CHD1L: variants seen among roughly 807,000 people sequenced by gnomAD.
CHD1L encodes the protein chromodomain helicase DNA binding protein 1 like, also known as ATP-dependent chromatin remodeler CHD1L.
Under a neutral mutation model 115.9 loss-of-function variants are expected in CHD1L, and 118 were observed. The observed-to-expected ratio is 1.02, with a 90% CI of 0.88 to 1.19. CHD1L has a LOEUF of 1.19. Ranked by LOEUF, CHD1L falls within the 50% of genes most tolerant of loss-of-function variation. The pLI is 0.00. For missense variants in CHD1L, 1,179 were observed against 1,065.3 expected (o/e 1.11, Z -1.49); for synonymous variants, 411 against 387.1 (o/e 1.06, Z -0.72).
the CHD1L span, among the ~76,000 whole-genome samples, chr1:147,177,717 C>A: frequency 4.6e-3 from 702 of 152,268 alleles, 1 homozygote; most frequent in Non-Finnish European, 8.2e-3. Flanking sequence ...ATAACCAGTA[C>A]TCTTCAGAAC....
At chr1:147,268,257 G>T (rs587741444) in intron 9 of CHD1L, among the ~76,000 whole-genome samples, 2 of 152,006 alleles carry the variant, frequency 1.3e-5, no homozygotes, top group South Asian at 4.2e-4. Context: ...GGGCTTTTTT[G>T]ATTCCCTGAT....
intron 19 of CHD1L, among the ~76,000 whole-genome samples, chr1:147,289,964 T>G (rs1318629461): frequency 3.3e-5 from 5 of 152,204 alleles, no homozygotes; most frequent in Admixed American, 3.3e-4. Context: ...CTGGTCGTTT[T>G]GGGGGATTTG....
chr1:147,204,998 T>C, the CHD1L span: 3 of 894,916 alleles, frequency 3.4e-6, no homozygotes, highest in Non-Finnish European at 5.5e-6. Flanking sequence ...AAGGTTTTCA[T>C]GCCTGATGAA....
At chr1:147,284,565 T>A (rs1278945576) in intron 16 of CHD1L, 66 bp downstream of exon 16, 9 of 996,748 alleles carry the variant, frequency 9.0e-6, no homozygotes, top group South Asian at 1.9e-5. Flanking sequence ...AACAAAAAAA[T>A]GATGCTGGCA....
chr1:147,193,744 C>A, the CHD1L span, among the ~76,000 whole-genome samples: 1 of 152,104 alleles, frequency 6.6e-6, no homozygotes, highest in African/African-American at 2.4e-5. Context: ...ATCTTTATTT[C>A]TGCTTTCGTT....
chr1:147,185,704 TACAA>T, the CHD1L span, among the ~76,000 whole-genome samples: 1 of 152,226 alleles, frequency 6.6e-6, no homozygotes, highest in Admixed American at 6.5e-5. Context: ...GCAATCCAAA[TACAA>T]ACATATTGTA....
chr1:147,277,368 G>GA (rs1678908597), intron 14 of CHD1L, among the ~76,000 whole-genome samples: 2 of 152,094 alleles, frequency 1.3e-5, no homozygotes, highest in Admixed American at 6.5e-5. Context: ...TAATTAGTCT[G>GA]AAAAAACAGC....
chr1:147,286,359 C>A lies in CHD1L; in HGVS notation c.2080C>A (p.Pro694Thr). The A allele has an allele frequency of 6.2e-7, 1 of 1,614,124 alleles. No individual in the cohort carries two copies. Among genetic ancestry groups the A allele is most frequent in the Non-Finnish European group, 8.5e-7 (1 of 1,180,018 alleles). ...SFCLPSEESE[P>T]EDLENGEESS... is the part of the protein sequence containing the mutation. Reference sequence around the variant, plus strand: ...CTGCCTGCCCTCTGAGGAGAGCGAGCCAGAGGACCTTGAGAATGGGGAAGA... The same window carrying A: ...CTGCCTGCCCTCTGAGGAGAGCGAGACAGAGGACCTTGAGAATGGGGAAGA... Residue 694 changes from proline (P) to threonine (T), a missense_variant, in exon 18 of 23, where the codon CCA becomes ACA. Coordinates refer to ENST00000369258, the MANE Select transcript of CHD1L (RefSeq NM_004284.6).
At chr1:147,278,753 AAATAAG>A (rs1679645054) in intron 14 of CHD1L, among the ~76,000 whole-genome samples, 1 of 152,130 alleles carries the variant, frequency 6.6e-6, no homozygotes, top group African/African-American at 2.4e-5. Flanking sequence ...TTGTTTCAGT[AAATAAG>A]AATAACAGCA....
intron 1 of CHD1L, among the ~76,000 whole-genome samples, chr1:147,243,484 T>C (rs1665537322): frequency 6.6e-6 from 1 of 152,082 alleles, no homozygotes; most frequent in Admixed American, 6.5e-5. Context: ...TTATTGACAC[T>C]AGCCCTTACG....
chr1:147,285,298 G>A (rs201681383), intron 16 of CHD1L, 26 bp from the exon 17 acceptor site: 2 of 1,600,760 alleles, frequency 1.2e-6, no homozygotes, highest in South Asian at 2.2e-5. Context: ...TCTTGACCCT[G>A]GTGATGGATC....
At chr1:147,181,234 T>C in the CHD1L span, among the ~76,000 whole-genome samples, 1 of 152,190 alleles carries the variant, frequency 6.6e-6, no homozygotes, top group African/African-American at 2.4e-5. Flanking sequence ...ATGGGTGGGA[T>C]TTGGGAACTT....
the CHD1L span, chr1:147,204,851 C>A: frequency 2.2e-5 from 35 of 1,601,824 alleles, no homozygotes; most frequent in African/African-American, 4.3e-4. Context: ...CTATACACAG[C>A]CTCTTCTAAT....
intron 16 of CHD1L, 65 bp from the exon 17 acceptor site, chr1:147,285,259 T>A: frequency 6.5e-7 from 1 of 1,531,356 alleles, no homozygotes; most frequent in Non-Finnish European, 8.9e-7. Context: ...CAGTGTGTGT[T>A]AGGGATAATG....
At chr1:147,291,629 T>G (rs1685570519) in intron 20 of CHD1L, 77 bp downstream of exon 20, 6 of 1,149,670 alleles carry the variant, frequency 5.2e-6, no homozygotes, top group Non-Finnish European at 6.6e-6. Context: ...CTGCCCCAAT[T>G]GGCCTCTCTG....
chr1:147,242,963 T>G (rs954103295), intron 1 of CHD1L, 133 bp downstream of exon 1: 171 of 1,095,436 alleles, frequency 1.6e-4, no homozygotes, highest in South Asian at 9.5e-5. Flanking sequence ...CCTTCGCTCC[T>G]GCCGTGGGCG....
At position 147,268,895 on chromosome 1, in the gene CHD1L, C is replaced by A; in HGVS notation, c.1085+17C>A. ...GTATTCTGGGTAGGTGGTAGGTTCA[C>A]ATTTGCTGCTCTGAGCTAATGACTG... On this transcript the variant is annotated intron_variant, in intron 10 of 22. Transcript: ENST00000369258. 1 of 1,590,364 alleles carries A rather than the reference C, an allele frequency of 6.3e-7. No individual in the cohort carries two copies. Among genetic ancestry groups the A allele is most frequent in the Non-Finnish European group, 8.6e-7 (1 of 1,159,422 alleles).
At position 147,295,518 on chromosome 1, in the gene CHD1L, C is replaced by G; in HGVS notation, c.*9C>G. The G allele has an allele frequency of 6.3e-7, 1 of 1,595,078 alleles. No individual in the cohort carries two copies. Among genetic ancestry groups the G allele is most frequent in the Non-Finnish European group, 8.6e-7 (1 of 1,165,472 alleles). ...GACAGCTGGTGCCTTAAGAATTGGCCCAGCCTCAGATCCTGTCTTTAGCAA... is the reference window on the plus strand; with the variant it reads ...GACAGCTGGTGCCTTAAGAATTGGCGCAGCCTCAGATCCTGTCTTTAGCAA... On this transcript the variant is annotated 3_prime_UTR_variant, in exon 23 of 23. Transcript: ENST00000369258.
At chr1:147,187,169 C>A in the CHD1L span, 4 of 1,614,056 alleles carry the variant, frequency 2.5e-6, no homozygotes, top group Non-Finnish European at 2.5e-6. Context: ...TTGGGCCTGA[C>A]CCCCACCAAA....
Sources: allele counts gnomAD v4.1 joint callset (sites outside exome capture counted in the v4.1 genomes callset), GRCh38; gene constraint gnomAD v4.1.1; transcripts MANE v1.5; gene names NCBI Gene and HGNC (gene_info 2026-07-23, HGNC 2026-07-21).